Variants in ZNF790 observed in about 807,000 individuals in gnomAD.
The protein encoded by ZNF790 is zinc finger protein 790.
Under a neutral mutation model 12.1 loss-of-function variants are expected in ZNF790, and 8 were observed. That is an observed-to-expected ratio of 0.66 (90% CI 0.39 to 1.19). ZNF790 has a LOEUF of 1.19. Among genes scored for constraint, ZNF790 ranks in the 50% most tolerant of loss-of-function variants. The pLI is 0.01. For missense variants in ZNF790, 707 were observed against 752.2 expected (o/e 0.94, Z 0.70); for synonymous variants, 252 against 244.3 (o/e 1.03, Z -0.29).
At position 36,827,139 on chromosome 19, in the gene ZNF790, CACATATATATATATAT is replaced by C. The variant is rs1194521051; in HGVS notation, c.-73-1463_-73-1448del. ...ACATACACACACACACACACACACA[CACATATATATATATAT>C]ATATATATATATATATATATATACA... On this transcript the variant is annotated intron_variant, in intron 1 of 4. Coordinates refer to ENST00000356725, the MANE Select transcript of ZNF790 (RefSeq NM_206894.4). Among the ~76,000 whole-genome samples the C allele has an allele frequency of 1.1e-3, 76 of 70,216 alleles. 2 individuals are homozygous for C. The highest frequency in any genetic ancestry group is 4.7e-3 in the African/African-American group (76 of 16,080). 46.1% of individuals were successfully genotyped at this position (70,216 alleles called of 152,430 possible).
chr19:36,850,632 T>A (rs1433630688), upstream of ZNF790: 1 of 152,232 alleles, frequency 6.6e-6, no homozygotes, highest in Admixed American at 6.5e-5. Context: ...CAGAGGAGCC[T>A]GACTAAAGCT....
At chr19:36,826,369 G>A (rs2071798518) in intron 1 of ZNF790, among the ~76,000 whole-genome samples, 1 of 151,960 alleles carries the variant, frequency 6.6e-6, no homozygotes, top group African/African-American at 2.4e-5. Flanking sequence ...CAGATCACGA[G>A]GTCAGGAGAT....
At position 36,818,873 on chromosome 19, in the gene ZNF790, A is replaced by C; in HGVS notation, c.1471T>G (p.Ser491Ala). 6.2e-7 allele frequency: 1 copy of C among 1,613,712 alleles called. No homozygotes were observed. The highest frequency in any genetic ancestry group is 8.5e-7 in the Non-Finnish European group (1 of 1,179,942). ...KECGKTFFRG[S>A]ELNRHQKIHT... ...ATTTTCTGGTGTCGATTAAGTTCTG[A>C]ACCACGAAAAAAGGTCTTTCCACAT... The change falls in exon 5 of 5, where the codon TCA becomes GCA. Residue 491 changes from serine (S) to alanine (A), a missense_variant. Transcript: ENST00000356725.
chr19:36,825,665 G>A lies in ZNF790; in HGVS notation c.-46C>T, dbSNP rs1197922612. 1 of 1,611,022 alleles carries A rather than the reference G, an allele frequency of 6.2e-7. No individual in the cohort carries two copies. The highest frequency in any genetic ancestry group is 1.7e-5 in the Admixed American group (1 of 60,016). On this transcript the variant is annotated 5_prime_UTR_variant, in exon 2 of 5. Coordinates refer to ENST00000356725, the MANE Select transcript of ZNF790 (RefSeq NM_206894.4). ...CCAGTCCTTCTCTGGATTCTTTCTT[G>A]GTGAGGCAGCGTGCTGGGAAAGCAG...
At chr19:36,844,681 T>C (rs1003284803) in intron 1 of ZNF790, among the ~76,000 whole-genome samples, 1 of 152,008 alleles carries the variant, frequency 6.6e-6, no homozygotes. Flanking sequence ...AGTAAAAATC[T>C]CCTTCAAAAA....
rs187636658 is a variant in ZNF790 at position 36,817,624 on chromosome 19, G to C, written c.*809C>G. Reference sequence around the variant, plus strand: ...AATCATTCAACCCTTATAATCTAATGAATACGATTAAACAGACATAGATTT... The same window carrying C: ...AATCATTCAACCCTTATAATCTAATCAATACGATTAAACAGACATAGATTT... On this transcript the variant is annotated 3_prime_UTR_variant, in exon 5 of 5. Coordinates refer to ENST00000356725, the MANE Select transcript of ZNF790 (RefSeq NM_206894.4). 1 of 146,750 alleles carries C rather than the reference G, an allele frequency of 6.8e-6. No homozygotes were observed. 9.1% of individuals were successfully genotyped at this position (146,750 alleles called of 1,614,324 possible). A position where few individuals can be genotyped will look rare whatever the true frequency, so the allele number is the denominator to read the frequency against.
chr19:36,837,127 C>T (rs2072062461), intron 1 of ZNF790, among the ~76,000 whole-genome samples: 1 of 152,184 alleles, frequency 6.6e-6, no homozygotes, highest in Non-Finnish European at 1.5e-5. Context: ...TATAAGAAGT[C>T]CCAGAATTTC....
upstream of ZNF790, among the ~76,000 whole-genome samples, chr19:36,839,290 CAG>C (rs1193125842): frequency 2.6e-5 from 4 of 152,132 alleles, no homozygotes; most frequent in African/African-American, 9.7e-5. Flanking sequence ...TATTGTGAAA[CAG>C]AAAATACTTG....
chr19:36,824,263 C>G (rs529871760), intron 2 of ZNF790, among the ~76,000 whole-genome samples: 7 of 150,794 alleles, frequency 4.6e-5, no homozygotes, highest in Admixed American at 2.0e-4. Flanking sequence ...TCCCAAAGTG[C>G]TGGGATTACA....
intron 3 of ZNF790, 96 bp from the exon 4 acceptor site, chr19:36,823,476 G>A: frequency 7.6e-7 from 1 of 1,321,596 alleles, no homozygotes; most frequent in East Asian, 2.4e-5. Context: ...AACAATTACA[G>A]GCAGGACAAA....
rs202006771 is a variant in ZNF790, at chr19:36,836,461, AAC to A, written c.-74+1874_-74+1875del. On this transcript the variant is annotated intron_variant, in intron 1 of 4. Coordinates refer to ENST00000356725, the MANE Select transcript of ZNF790 (RefSeq NM_206894.4). Reference sequence around the variant, plus strand: ...TGCAGCAAGACAAGCCTAAAAAAAAAACACACACACACACCGGCTGGGCGCGG... The same window carrying A: ...TGCAGCAAGACAAGCCTAAAAAAAAAACACACACACACCGGCTGGGCGCGG... Among the ~76,000 whole-genome samples the A allele has an allele frequency of 4.3e-3, 646 of 151,910 alleles. 7 individuals are homozygous for A. Among genetic ancestry groups the A allele is most frequent in the African/African-American group, 0.015 (627 of 41,438 alleles).
At chr19:36,846,277 G>A (rs937640300) in intron 1 of ZNF790, among the ~76,000 whole-genome samples, 5 of 152,142 alleles carry the variant, frequency 3.3e-5, no homozygotes, top group Admixed American at 2.0e-4. Flanking sequence ...AGCTCAATGA[G>A]GCCAGGCGCA....
chr19:36,837,167 C>T (rs1251628603), intron 1 of ZNF790, among the ~76,000 whole-genome samples: 2 of 152,176 alleles, frequency 1.3e-5, no homozygotes, highest in East Asian at 1.9e-4. Flanking sequence ...ACATTGTATA[C>T]CATCAAGTCT....
At chr19:36,825,527 G>T in intron 2 of ZNF790, 84 bp downstream of exon 2, 1 of 1,334,308 alleles carries the variant, frequency 7.5e-7, no homozygotes, top group Non-Finnish European at 1.1e-6. Flanking sequence ...ATTCAGGTAA[G>T]CAGTTTAAGG....
chr19:36,850,072 G>A (rs551591718), exon 1 of ZNF790: 2 of 152,486 alleles, frequency 1.3e-5, no homozygotes, highest in Admixed American at 1.3e-4. Flanking sequence ...ACGCTCAGGT[G>A]CCACATTGGG....
chr19:36,849,805 C>G (rs951872546), intron 1 of ZNF790, among the ~76,000 whole-genome samples: 1 of 151,804 alleles, frequency 6.6e-6, no homozygotes, highest in Non-Finnish European at 1.5e-5. Flanking sequence ...TCTTGCCCCC[C>G]CCACCTCCAC....
chr19:36,823,027 T>TTTTTTG (rs565400916), intron 4 of ZNF790, among the ~76,000 whole-genome samples: 4 of 151,978 alleles, frequency 2.6e-5, no homozygotes, highest in Non-Finnish European at 5.9e-5. Context: ...TTTTTTGTAT[T>TTTTTTG]TTTTTGTTTT....
At chr19:36,840,507 GT>G (rs1288892669), upstream of ZNF790, among the ~76,000 whole-genome samples, 5 of 152,204 alleles carry the variant, frequency 3.3e-5, no homozygotes, top group African/African-American at 1.2e-4. Flanking sequence ...AGTGCCCTAT[GT>G]TTTTATTGGG....
chr19:36,845,340 T>C (rs1435746368), intron 1 of ZNF790, among the ~76,000 whole-genome samples: 1 of 150,158 alleles, frequency 6.7e-6, no homozygotes, highest in African/African-American at 2.5e-5. Context: ...CACTTGAGCC[T>C]GGGAGGTCGA....
Sources: gnomAD v4.1 joint callset for allele counts (sites outside exome capture counted in the v4.1 genomes callset) on GRCh38, gnomAD v4.1.1 for gene constraint, MANE v1.5 for transcripts, NCBI Gene and HGNC (gene_info 2026-07-23, HGNC 2026-07-21) for gene names.